Variants in SEPTIN9 observed in about 807,000 individuals in gnomAD.
SEPTIN9 encodes the protein septin-9.
In SEPTIN9, 13 loss-of-function variants were observed where a neutral mutation model predicts 56.6. The observed-to-expected ratio is 0.23, with a 90% CI of 0.15 to 0.37. The LOEUF (loss-of-function observed/expected upper bound fraction) is 0.37. SEPTIN9 is among the 10% of genes least tolerant of loss of function. SEPTIN9 has a pLI of 1.00. For synonymous variants in SEPTIN9, 332 were observed against 334.1 expected (o/e 0.99, Z 0.07); for missense variants, 650 against 823.1 (o/e 0.79, Z 2.57).
At chr17:77,448,972 C>A (rs893418946) in intron 3 of SEPTIN9, among the ~76,000 whole-genome samples, 1 of 151,938 alleles carries the variant, frequency 6.6e-6, no homozygotes, top group African/African-American at 2.4e-5. Context: ...TTAGTAGAGA[C>A]AGGGTTTTGC....
At chr17:77,376,786 G>A (rs1363360179) in intron 2 of SEPTIN9, 2 of 152,268 alleles carry the variant, frequency 1.3e-5, no homozygotes, top group African/African-American at 2.4e-5. Flanking sequence ...GCCTGTGTGT[G>A]TGCTCGGAGT....
intron 2 of SEPTIN9, among the ~76,000 whole-genome samples, chr17:77,382,872 G>GC (rs1182727218): frequency 6.6e-6 from 1 of 151,720 alleles, no homozygotes. Flanking sequence ...TCCCTCCCTA[G>GC]CCCCGCTGCC....
At chr17:77,378,103 G>A (rs1423055566) in intron 2 of SEPTIN9, among the ~76,000 whole-genome samples, 1 of 152,214 alleles carries the variant, frequency 6.6e-6, no homozygotes, top group Non-Finnish European at 1.5e-5. Context: ...GGGGCTGTGG[G>A]TTCTCTGGGC....
At chr17:77,416,362 C>T (rs939068018) in intron 3 of SEPTIN9, among the ~76,000 whole-genome samples, 1 of 152,210 alleles carries the variant, frequency 6.6e-6, no homozygotes, top group Non-Finnish European at 1.5e-5. Flanking sequence ...CACTGTGGCT[C>T]TTTCCAACCC....
chr17:77,306,826 T>C (rs2032284740), intron 1 of SEPTIN9, among the ~76,000 whole-genome samples: 1 of 152,242 alleles, frequency 6.6e-6, no homozygotes, highest in Admixed American at 6.5e-5. Context: ...TCATTCACTG[T>C]GTGGCCACAG....
intron 3 of SEPTIN9, among the ~76,000 whole-genome samples, chr17:77,441,619 C>G (rs1178562318): frequency 6.6e-6 from 1 of 152,254 alleles, no homozygotes; most frequent in East Asian, 1.9e-4. Flanking sequence ...GTGGCTACCG[C>G]TTGTCTCCCA....
At chr17:77,297,159 C>G (rs903963921) in intron 1 of SEPTIN9, among the ~76,000 whole-genome samples, 2 of 152,154 alleles carry the variant, frequency 1.3e-5, no homozygotes, top group African/African-American at 4.8e-5. Flanking sequence ...GCTGGAGGCC[C>G]AGGAAAGCCA....
At chr17:77,392,375 T>A (rs1219382595) in intron 2 of SEPTIN9, among the ~76,000 whole-genome samples, 1 of 152,122 alleles carries the variant, frequency 6.6e-6, no homozygotes, top group African/African-American at 2.4e-5. Context: ...CCTGGTGCAT[T>A]TGAAGTTTTC....
At chr17:77,352,535 T>C (rs2034099904) in intron 2 of SEPTIN9, among the ~76,000 whole-genome samples, 1 of 152,232 alleles carries the variant, frequency 6.6e-6, no homozygotes, top group South Asian at 2.1e-4. Flanking sequence ...GACTGTCCCA[T>C]GCCTTTCTCC....
At chr17:77,365,746 G>A (rs1218115360) in intron 2 of SEPTIN9, among the ~76,000 whole-genome samples, 1 of 152,172 alleles carries the variant, frequency 6.6e-6, no homozygotes, top group African/African-American at 2.4e-5. Context: ...TACGGGATGG[G>A]CAGAGGCATT....
intron 3 of SEPTIN9, among the ~76,000 whole-genome samples, chr17:77,439,875 C>T (rs566571377): frequency 7.9e-5 from 12 of 152,336 alleles, no homozygotes; most frequent in South Asian, 6.2e-4. Context: ...AGGGCCTTGC[C>T]GAGTGCTGCC....
intron 3 of SEPTIN9, among the ~76,000 whole-genome samples, chr17:77,424,890 G>T (rs543309691): frequency 3.3e-5 from 5 of 152,216 alleles, no homozygotes. Flanking sequence ...TACTCGGAAG[G>T]AGGGGCTGGG....
chr17:77,403,549 G>A (rs553541424), intron 3 of SEPTIN9, among the ~76,000 whole-genome samples: 102 of 152,310 alleles, frequency 6.7e-4, no homozygotes, highest in African/African-American at 2.3e-3. Context: ...GTGGGACATG[G>A]TTGGGTCCCT....
chr17:77,409,341 C>T (rs182740515), intron 3 of SEPTIN9, among the ~76,000 whole-genome samples: 2 of 152,038 alleles, frequency 1.3e-5, no homozygotes, highest in East Asian at 1.9e-4. Flanking sequence ...CGTGGTGGGA[C>T]GGGGTGGGGC....
At chr17:77,416,630 G>T (rs564271074) in intron 3 of SEPTIN9, among the ~76,000 whole-genome samples, 1 of 152,340 alleles carries the variant, frequency 6.6e-6, no homozygotes, top group African/African-American at 2.4e-5. Context: ...CTGAGTGCTT[G>T]TGTGGCTTGG....
chr17:77,451,492 CG>C lies in SEPTIN9; in HGVS notation c.722-30650del. 1 of 985,804 alleles carries C rather than the reference CG, an allele frequency of 1.0e-6. No individual in the cohort carries two copies. The highest frequency in any genetic ancestry group is 1.2e-6 in the Non-Finnish European group (1 of 830,230). 61.1% of individuals were successfully genotyped at this position (985,804 alleles called of 1,614,324 possible). ...GACCCGGTGGGCGGGCCGCGGCTCT[CG>C]GCGCGTCCAGCGCAGCCCGACGTTC... On this transcript the variant is annotated intron_variant, in intron 3 of 11. Transcript: ENST00000427177. This position sits in a 1 kb window ranked among gnomAD's most constrained non-coding sequence, Gnocchi z 4.2.
In SEPTIN9 at chr17:77,445,224, G is replaced by A. The variant is rs1275465502; in HGVS notation, c.722-36920G>A. ...GTAGAAATGTGGGCTGCCTCGGGGC[G>A]TCACAGCTACAAATGCATACCAGCC... On this transcript the variant is annotated intron_variant, in intron 3 of 11. Transcript: ENST00000427177. The surrounding 1 kb of genome is among the most constrained non-coding windows in gnomAD (Gnocchi z 4.7). The A allele has an allele frequency of 1.7e-5, 8 of 470,798 alleles. No homozygotes were observed. The highest frequency in any genetic ancestry group is 3.1e-5 in the Non-Finnish European group (7 of 227,052). The allele number at this position is 470,798 out of a possible 1,614,324, so 29.2% of individuals were successfully genotyped here. A position where few individuals can be genotyped will look rare whatever the true frequency, so the allele number is the denominator to read the frequency against.
At chr17:77,409,247 C>G (rs1307934717) in intron 3 of SEPTIN9, among the ~76,000 whole-genome samples, 1 of 151,744 alleles carries the variant, frequency 6.6e-6, no homozygotes. Flanking sequence ...CCTCTCAGAC[C>G]TAGGTCTAGA....
At chr17:77,340,194 A>G (rs542813926) in intron 2 of SEPTIN9, among the ~76,000 whole-genome samples, 279 of 148,814 alleles carry the variant, frequency 1.9e-3, no homozygotes, top group African/African-American at 6.5e-3. Context: ...AGGCTGGAGT[A>G]CAGTGGCACG....
Sources: gnomAD v4.1 joint callset for allele counts (sites outside exome capture counted in the v4.1 genomes callset) on GRCh38, gnomAD v4.1.1 for gene constraint, Gnocchi (gnomAD v3.1) non-coding constraint, MANE v1.5 for transcripts, NCBI Gene and HGNC (gene_info 2026-07-23, HGNC 2026-07-21) for gene names.